The following KIAA1549L variants were observed in gnomAD, a reference collection of about 807,000 sequenced individuals.
The protein encoded by KIAA1549L is UPF0606 protein KIAA1549L.
In KIAA1549L, 88 loss-of-function variants were observed where a neutral mutation model predicts 160.7. The observed-to-expected ratio is 0.55, with a 90% CI of 0.46 to 0.65. The LOEUF is 0.65. KIAA1549L is among the 30% of genes least tolerant of loss of function. The pLI is 0.00. For missense variants in KIAA1549L, 2,258 were observed against 2,437.5 expected (o/e 0.93, Z 1.55); for synonymous variants, 950 against 976.7 (o/e 0.97, Z 0.51).
intron 16 of KIAA1549L, among the ~76,000 whole-genome samples, chr11:33,644,942 A>G (rs1382261210): frequency 2.6e-5 from 4 of 152,262 alleles, no homozygotes; most frequent in African/African-American, 7.2e-5. Context: ...ATTAGCAGGC[A>G]AGCACGAGAC....
At chr11:33,594,891 C>T (rs1246839738) in intron 12 of KIAA1549L, among the ~76,000 whole-genome samples, 3 of 152,144 alleles carry the variant, frequency 2.0e-5, no homozygotes, top group Non-Finnish European at 1.5e-5. Flanking sequence ...TTATTCTCAT[C>T]ATGATCTTTG....
intron 1 of KIAA1549L, among the ~76,000 whole-genome samples, chr11:33,434,751 G>A (rs1277314273): frequency 3.9e-5 from 6 of 152,216 alleles, no homozygotes; most frequent in Non-Finnish European, 7.3e-5. Context: ...TTGGTTGTAG[G>A]AGGGGCCAAA....
intron 1 of KIAA1549L, among the ~76,000 whole-genome samples, chr11:33,399,105 ACCACG>A (rs1327520202): frequency 6.6e-6 from 1 of 152,038 alleles, no homozygotes; most frequent in African/African-American, 2.4e-5. Flanking sequence ...GGCATGCACC[ACCACG>A]CCTGGCTAAT....
chr11:33,508,393 G>A (rs534996681), intron 1 of KIAA1549L, among the ~76,000 whole-genome samples: 22 of 152,268 alleles, frequency 1.4e-4, no homozygotes, highest in Middle Eastern at 3.4e-3. Flanking sequence ...ACTGCCTGCT[G>A]GACTGTTAGC....
intron 1 of KIAA1549L, among the ~76,000 whole-genome samples, chr11:33,409,019 G>A (rs149236775): frequency 5.4e-4 from 82 of 150,762 alleles, no homozygotes; most frequent in African/African-American, 1.9e-3. Flanking sequence ...AACTGCTTGT[G>A]TGGGGAAATA....
At chr11:33,419,857 TATACATAC>T (rs60868652) in intron 1 of KIAA1549L, among the ~76,000 whole-genome samples, 16,775 of 136,348 alleles carry the variant, frequency 0.12, 1,175 homozygotes, top group African/African-American at 0.21. Context: ...AAAAAAATGT[TATACATAC>T]ATACATACAT....
chr11:33,603,562 T>C, intron 13 of KIAA1549L, among the ~76,000 whole-genome samples: 1 of 151,870 alleles, frequency 6.6e-6, no homozygotes, highest in Non-Finnish European at 1.5e-5. Flanking sequence ...ATCCCAGCAC[T>C]TTGGGAGGCC....
chr11:33,544,166 G>T lies in KIAA1549L; in HGVS notation c.2603G>T (p.Gly868Val). The T allele has an allele frequency of 6.2e-7, 1 of 1,613,960 alleles. No homozygotes were observed. Among genetic ancestry groups the T allele is most frequent in the Non-Finnish European group, 8.5e-7 (1 of 1,179,888 alleles). Reference protein sequence around the residue: ...QEMLSDGTDTGSEISSDINSS... With the variant: ...QEMLSDGTDTVSEISSDINSS... ...ATGCTTTCAGATGGAACAGATACAG[G>T]TTCTGAAATTTCCAGTGACATCAAT... Residue 868 changes from glycine to valine, a missense_variant, in exon 2 of 21, where the codon GGT becomes GTT. By Grantham distance (109) the Gly-to-Val change is moderately radical. Transcript: ENST00000658780.
chr11:33,609,092 G>A (rs894361372), intron 14 of KIAA1549L, among the ~76,000 whole-genome samples: 5 of 152,368 alleles, frequency 3.3e-5, no homozygotes, highest in South Asian at 2.1e-4. Flanking sequence ...CATTAGCCAC[G>A]TTCCCTTCTG....
intron 1 of KIAA1549L, among the ~76,000 whole-genome samples, chr11:33,430,326 A>G (rs1245625452): frequency 1.3e-5 from 2 of 150,686 alleles, no homozygotes; most frequent in Non-Finnish European, 2.9e-5. Context: ...ATGCTTGAAC[A>G]GACTCTTTTC....
chr11:33,415,753 G>C lies in KIAA1549L; in HGVS notation c.238+38864G>C, dbSNP rs1392026216. On this transcript the variant is annotated intron_variant, in intron 1 of 20. Transcript: ENST00000658780. ...TCCTTTATATTGTTGCCATGAGAGA[G>C]AGCCAAAATGAAGAAGCCAGCAAAC... 1.2e-4 allele frequency among the ~76,000 whole-genome samples: 18 copies of C among 152,246 alleles called. 1 individual carries two copies. In the East Asian group the frequency reaches 1.5e-3, roughly 13 times the overall value.
At chr11:33,522,830 T>C (rs1270258769) in intron 1 of KIAA1549L, among the ~76,000 whole-genome samples, 1 of 151,762 alleles carries the variant, frequency 6.6e-6, no homozygotes, top group Non-Finnish European at 1.5e-5. Flanking sequence ...TCCTAGGAGT[T>C]CAAGGCTGCA....
At chr11:33,512,252 G>A (rs1270638666) in intron 1 of KIAA1549L, among the ~76,000 whole-genome samples, 1 of 152,154 alleles carries the variant, frequency 6.6e-6, no homozygotes, top group Admixed American at 6.5e-5. Flanking sequence ...TGATTGGAAG[G>A]TTAATAATGG....
rs1364306356 is a variant in KIAA1549L at position 33,671,785 on chromosome 11, A to G, written c.*3631A>G. On this transcript the variant is annotated 3_prime_UTR_variant, in exon 21 of 21. Coordinates refer to ENST00000658780, the MANE Select transcript of KIAA1549L (RefSeq NM_012194.3). ...ATAGCACACAGGTGCTCAACATTTA[A>G]TGAATAATATAACAGATACTGTCTT... 6.6e-6 allele frequency: 1 copy of G among 152,218 alleles called. No individual in the cohort carries two copies. The highest frequency in any genetic ancestry group is 1.5e-5 in the Non-Finnish European group (1 of 68,036). 9.4% of individuals were successfully genotyped at this position (152,218 alleles called of 1,614,324 possible).
chr11:33,463,825 C>A (rs1247790696), intron 1 of KIAA1549L, among the ~76,000 whole-genome samples: 1 of 152,208 alleles, frequency 6.6e-6, no homozygotes, highest in Non-Finnish European at 1.5e-5. Flanking sequence ...CAATTCTGCC[C>A]ATTATTAACA....
rs184024186 is a variant in KIAA1549L at position 33,466,450 on chromosome 11, T to C, written c.239-75352T>C. ...CTCACGCCAGTTAGAATGGCGATCA[T>C]TAAAAAGTCAGGAAATAACAGACGC... On this transcript the variant is annotated intron_variant, in intron 1 of 20. Coordinates refer to ENST00000658780, the MANE Select transcript of KIAA1549L (RefSeq NM_012194.3). 1.2e-3 allele frequency among the ~76,000 whole-genome samples: 177 copies of C among 152,252 alleles called. 2 individuals are homozygous for C. In the East Asian group the frequency reaches 0.024, roughly 21 times the overall value.
Position 33,574,868 on chromosome 11 carries a change from C to T in KIAA1549L, c.4397C>T (p.Ala1466Val). Residue 1466 changes from alanine to valine, a missense_variant, in exon 10 of 21, where the codon GCT becomes GTT. Ala to Val is a moderately conservative substitution (Grantham distance 64). Coordinates refer to ENST00000658780, the MANE Select transcript of KIAA1549L (RefSeq NM_012194.3). ...LTLHHVVLLQ[A>V]DPVVKNPPNN... ...CTTCATCACGTTGTCCTTCTGCAAG[C>T]TGACCGTAAGGGAATGGTCTTTTTA... The T allele has an allele frequency of 6.2e-7, 1 of 1,612,966 alleles. No homozygotes were observed. Among genetic ancestry groups the T allele is most frequent in the Non-Finnish European group, 8.5e-7 (1 of 1,179,198 alleles).
At chr11:33,467,878 A>G in intron 1 of KIAA1549L, among the ~76,000 whole-genome samples, 1 of 152,040 alleles carries the variant, frequency 6.6e-6, no homozygotes, top group East Asian at 1.9e-4. Context: ...CTCTGCAGTT[A>G]AAAAAGAAAG....
chr11:33,537,816 T>C (rs1174348799), intron 1 of KIAA1549L, among the ~76,000 whole-genome samples: 2 of 152,188 alleles, frequency 1.3e-5, no homozygotes, highest in Non-Finnish European at 2.9e-5. Context: ...GGCACAGACA[T>C]GTCTTTGAAG....
Sources: allele counts gnomAD v4.1 joint callset (sites outside exome capture counted in the v4.1 genomes callset), GRCh38; gene constraint gnomAD v4.1.1; transcripts MANE v1.5; gene names NCBI Gene and HGNC (gene_info 2026-07-23, HGNC 2026-07-21).